The following GPBP1 variants were observed in gnomAD, a reference collection of about 807,000 sequenced individuals.
GPBP1 encodes GC-rich promoter binding protein 1, also known as vasculin.
GPBP1 carries 13 observed loss-of-function variants against 56.5 expected under a neutral mutation model. That is an observed-to-expected ratio of 0.23 (90% CI 0.15 to 0.37). The LOEUF (loss-of-function observed/expected upper bound fraction) is 0.37, where lower values mean the gene tolerates loss of function less well. Ranked by LOEUF, GPBP1 falls within the 10% of genes least tolerant of loss-of-function variation. GPBP1 has a pLI of 1.00. For missense variants in GPBP1, 477 were observed against 572.3 expected, an observed-to-expected ratio of 0.83 and a Z score of 1.70; for synonymous variants, 204 against 188.9, an observed-to-expected ratio of 1.08 and a Z score of -0.66.
chr5:57,181,034 G>A (rs1754021614), intron 2 of GPBP1, among the ~76,000 whole-genome samples: 2 of 152,182 alleles, frequency 1.3e-5, no homozygotes, highest in Admixed American at 6.5e-5. Context: ...TTTGAAAACT[G>A]AATTAAGAAT....
chr5:57,212,525 C>G lies in GPBP1; in HGVS notation c.-57-1549C>G, dbSNP rs112835194. Among the ~76,000 whole-genome samples the G allele has an allele frequency of 5.7e-3, 870 of 152,154 alleles. 10 individuals are homozygous for G. The highest frequency in any genetic ancestry group is 8.0e-3 in the Non-Finnish European group (542 of 67,996). ...TCATGAGTGTTTTATTGGAATTCCT[C>G]TTAAGGTTTTCAAGTTGTATCAGAG... is the stretch of plus-strand genomic sequence containing the variant. On this transcript the variant is annotated intron_variant, in intron 2 of 11. Coordinates refer to ENST00000506184, the MANE Select transcript of GPBP1 (RefSeq NM_022913.4).
intron 10 of GPBP1, among the ~76,000 whole-genome samples, chr5:57,256,375 ATTATT>A (rs751737661): frequency 1.3e-4 from 19 of 151,506 alleles, no homozygotes; most frequent in Non-Finnish European, 2.5e-4. Flanking sequence ...TACTTGAATG[ATTATT>A]TTAGTATATA....
At chr5:57,214,814 CCTGA>C (rs966838466) in intron 3 of GPBP1, among the ~76,000 whole-genome samples, 15 of 152,070 alleles carry the variant, frequency 9.9e-5, no homozygotes, top group Non-Finnish European at 1.6e-4. Flanking sequence ...GGTCACCATG[CCTGA>C]CTAATTTTTG....
At chr5:57,230,227 C>T (rs11955116) in intron 3 of GPBP1, among the ~76,000 whole-genome samples, 36,845 of 152,012 alleles carry the variant, frequency 0.24, 4,815 homozygotes, top group Middle Eastern at 0.31. Context: ...CCACCGCGCC[C>T]GGCCTAAAAT....
intron 6 of GPBP1, among the ~76,000 whole-genome samples, chr5:57,242,849 A>G (rs1360253034): frequency 6.6e-6 from 1 of 151,742 alleles, no homozygotes. Flanking sequence ...TCCCGGGTTC[A>G]AGTGATTCTT....
chr5:57,252,154 C>T (rs1741424783), intron 10 of GPBP1, among the ~76,000 whole-genome samples: 1 of 132,858 alleles, frequency 7.5e-6, no homozygotes, highest in Non-Finnish European at 1.6e-5. Context: ...CCCACAGGCA[C>T]CTTTTGAGAT....
chr5:57,190,694 CTT>C (rs773540051), intron 2 of GPBP1, among the ~76,000 whole-genome samples: 107 of 68,812 alleles, frequency 1.6e-3, no homozygotes, highest in African/African-American at 5.0e-3. Context: ...TTGCTGTTAG[CTT>C]TTTTTTTTTT....
chr5:57,205,755 ATTAT>A (rs1477755011), intron 2 of GPBP1, among the ~76,000 whole-genome samples: 1 of 151,454 alleles, frequency 6.6e-6, no homozygotes, highest in Admixed American at 6.6e-5. Flanking sequence ...TTTTTATTTT[ATTAT>A]TTATTTTATT....
At chr5:57,206,621 G>A (rs1739684458) in intron 2 of GPBP1, among the ~76,000 whole-genome samples, 1 of 152,100 alleles carries the variant, frequency 6.6e-6, no homozygotes, top group Non-Finnish European at 1.5e-5. Context: ...CGATCCACCT[G>A]CCTTGGCCTC....
At chr5:57,182,874 A>T (rs1754120032) in intron 2 of GPBP1, among the ~76,000 whole-genome samples, 1 of 151,702 alleles carries the variant, frequency 6.6e-6, no homozygotes, top group Non-Finnish European at 1.5e-5. Context: ...GTAGAGAGAG[A>T]GTCTTGTTAT....
intron 6 of GPBP1, among the ~76,000 whole-genome samples, chr5:57,244,675 A>G (rs1740998218): frequency 6.6e-6 from 1 of 151,164 alleles, no homozygotes; most frequent in African/African-American, 2.4e-5. Context: ...ATAATTGGAA[A>G]TCTTACATTG....
At chr5:57,204,550 C>T (rs1755151406) in intron 2 of GPBP1, among the ~76,000 whole-genome samples, 1 of 152,166 alleles carries the variant, frequency 6.6e-6, no homozygotes. Flanking sequence ...CTTTGCCTGG[C>T]TTGATTGATT....
intron 3 of GPBP1, among the ~76,000 whole-genome samples, chr5:57,222,152 T>G (rs745673853): frequency 1.1e-4 from 17 of 152,254 alleles, no homozygotes; most frequent in Admixed American, 3.3e-4. Flanking sequence ...CTTAAAACTA[T>G]TTTTAAAAAC....
chr5:57,176,498 T>G (rs1384386900), intron 2 of GPBP1, 98 bp downstream of exon 2: 1 of 152,454 alleles, frequency 6.6e-6, no homozygotes, highest in Non-Finnish European at 1.5e-5. Context: ...TTCAGTTTCT[T>G]GCAGTAACAT....
intron 9 of GPBP1, among the ~76,000 whole-genome samples, chr5:57,249,801 G>T (rs1369416158): frequency 2.0e-3 from 49 of 24,038 alleles, no homozygotes; most frequent in African/African-American, 8.3e-3. Context: ...CCCCCTCCCC[G>T]TCCTTCCCCC....
chr5:57,202,886 A>G (rs1755080239), intron 2 of GPBP1, among the ~76,000 whole-genome samples: 1 of 152,222 alleles, frequency 6.6e-6, no homozygotes, highest in Non-Finnish European at 1.5e-5. Flanking sequence ...TACTGTTTGC[A>G]ATATATTTCT....
At chr5:57,200,711 A>G (rs1460311492) in intron 2 of GPBP1, among the ~76,000 whole-genome samples, 1 of 151,302 alleles carries the variant, frequency 6.6e-6, no homozygotes, top group Non-Finnish European at 1.5e-5. Context: ...CTTAAGGGAT[A>G]CACTCCGTTG....
intron 2 of GPBP1, among the ~76,000 whole-genome samples, chr5:57,196,583 C>T (rs564330543): frequency 8.5e-5 from 13 of 152,098 alleles, no homozygotes; most frequent in Middle Eastern, 3.4e-3. Context: ...TTGTCATCAT[C>T]TATTTATTTA....
intron 2 of GPBP1, among the ~76,000 whole-genome samples, chr5:57,182,694 T>G (rs1353549278): frequency 6.6e-6 from 1 of 150,810 alleles, no homozygotes; most frequent in Admixed American, 6.6e-5. Context: ...TCTTATTTAT[T>G]TATTTTTGAG....
Sources: allele counts gnomAD v4.1 joint callset (sites outside exome capture counted in the v4.1 genomes callset), GRCh38; gene constraint gnomAD v4.1.1; transcripts MANE v1.5; gene names NCBI Gene and HGNC (gene_info 2026-07-23, HGNC 2026-07-21).